SMOC2: variants seen among roughly 807,000 people sequenced by gnomAD.
The protein encoded by SMOC2 is SPARC related modular calcium binding 2.
Under a neutral mutation model 61.4 loss-of-function variants are expected in SMOC2, and 39 were observed. The observed-to-expected ratio is 0.64, with a 90% CI of 0.49 to 0.83. The LOEUF (loss-of-function observed/expected upper bound fraction) is 0.83. Ranked by LOEUF, SMOC2 falls within the 40% of genes least tolerant of loss-of-function variation. The pLI is 0.00. For synonymous variants in SMOC2, 247 were observed against 239.9 expected, an observed-to-expected ratio of 1.03 and a Z score of -0.27; for missense variants, 556 against 592.9, an observed-to-expected ratio of 0.94 and a Z score of 0.65.
At chr6:168,590,854 A>G (rs1285938403) in intron 7 of SMOC2, among the ~76,000 whole-genome samples, 3 of 152,238 alleles carry the variant, frequency 2.0e-5, no homozygotes, top group African/African-American at 7.2e-5. Context: ...CAGACACATT[A>G]TAAGTCACAA....
intron 8 of SMOC2, among the ~76,000 whole-genome samples, chr6:168,602,474 C>A (rs1436168704): frequency 6.6e-6 from 1 of 152,112 alleles, no homozygotes; most frequent in African/African-American, 2.4e-5. Flanking sequence ...CCCCACCCAC[C>A]TGCGGTGGTT....
chr6:168,632,587 A>T (rs563010046), intron 9 of SMOC2, among the ~76,000 whole-genome samples: 1 of 152,260 alleles, frequency 6.6e-6, no homozygotes, highest in East Asian at 1.9e-4. Flanking sequence ...GTTGTATTTC[A>T]TATTGTAGAT....
intron 7 of SMOC2, among the ~76,000 whole-genome samples, chr6:168,556,672 G>A (rs906303477): frequency 6.6e-6 from 1 of 151,768 alleles, no homozygotes; most frequent in African/African-American, 2.4e-5. Flanking sequence ...GTATACATGT[G>A]CCATGTTGTG....
At chr6:168,631,287 C>T (rs546140788) in intron 9 of SMOC2, among the ~76,000 whole-genome samples, 4 of 152,136 alleles carry the variant, frequency 2.6e-5, no homozygotes, top group Admixed American at 1.3e-4. Flanking sequence ...ATTTCGGGGC[C>T]GATTCCCCGA....
chr6:168,559,319 G>C (rs1304946096), intron 7 of SMOC2, among the ~76,000 whole-genome samples: 1 of 152,038 alleles, frequency 6.6e-6, no homozygotes, highest in African/African-American at 2.4e-5. Flanking sequence ...GCTGGGCATG[G>C]TGGCGGGTGC....
intron 9 of SMOC2, among the ~76,000 whole-genome samples, chr6:168,630,926 C>T (rs1451839681): frequency 6.6e-6 from 1 of 152,188 alleles, no homozygotes; most frequent in Admixed American, 6.5e-5. Flanking sequence ...ACCCTGTCTC[C>T]TGATAAGATG....
chr6:168,576,618 G>A (rs1010545311), intron 7 of SMOC2, among the ~76,000 whole-genome samples: 1 of 152,034 alleles, frequency 6.6e-6, no homozygotes, highest in Admixed American at 6.5e-5. Context: ...GCAAACCGGC[G>A]GGCCTCGCTC....
intron 9 of SMOC2, among the ~76,000 whole-genome samples, chr6:168,622,636 G>A (rs1055569201): frequency 1.3e-5 from 2 of 152,062 alleles, no homozygotes; most frequent in African/African-American, 4.8e-5. Flanking sequence ...CTGTTGCCGT[G>A]TCAAGAAAGT....
intron 12 of SMOC2, chr6:168,664,501 A>G (rs1322349778): frequency 1.3e-5 from 5 of 395,914 alleles, no homozygotes; most frequent in Non-Finnish European, 2.4e-5. Context: ...GGCATGCGCC[A>G]CCGTACCCGG....
At chr6:168,584,214 G>A (rs914996738) in intron 7 of SMOC2, among the ~76,000 whole-genome samples, 1 of 152,212 alleles carries the variant, frequency 6.6e-6, no homozygotes, top group African/African-American at 2.4e-5. Context: ...TATTACAGTC[G>A]GCTGGACGTG....
At chr6:168,494,029 G>T (rs893258626) in intron 1 of SMOC2, among the ~76,000 whole-genome samples, 1 of 152,162 alleles carries the variant, frequency 6.6e-6, no homozygotes, top group African/African-American at 2.4e-5. Context: ...GATGCCATTG[G>T]AACGATCCTG....
At chr6:168,585,407 A>G (rs1428438297) in intron 7 of SMOC2, among the ~76,000 whole-genome samples, 1 of 152,224 alleles carries the variant, frequency 6.6e-6, no homozygotes, top group Non-Finnish European at 1.5e-5. Flanking sequence ...ATTTACATGC[A>G]TGATTGTAGA....
chr6:168,455,944 C>T (rs866106401), intron 1 of SMOC2, among the ~76,000 whole-genome samples: 9 of 152,224 alleles, frequency 5.9e-5, no homozygotes, highest in Admixed American at 4.6e-4. Flanking sequence ...GTCTTCACCT[C>T]ACTTCCCGAT....
chr6:168,621,911 A>T (rs1786256436), intron 9 of SMOC2, among the ~76,000 whole-genome samples: 1 of 152,162 alleles, frequency 6.6e-6, no homozygotes, highest in South Asian at 2.1e-4. Context: ...AAAATTGTTT[A>T]TTCAAAGGCA....
chr6:168,634,864 A>G (rs935548266), intron 9 of SMOC2, among the ~76,000 whole-genome samples: 5 of 152,154 alleles, frequency 3.3e-5, no homozygotes, highest in Non-Finnish European at 4.4e-5. Context: ...GCTTTTAGTT[A>G]CTTTCTAAGC....
chr6:168,569,589 C>T (rs1784620046), intron 7 of SMOC2, among the ~76,000 whole-genome samples: 1 of 152,242 alleles, frequency 6.6e-6, no homozygotes, highest in African/African-American at 2.4e-5. Context: ...CACAGGCGCA[C>T]ACCACCACGC....
At chr6:168,580,530 A>G (rs564956433) in intron 7 of SMOC2, among the ~76,000 whole-genome samples, 9 of 152,186 alleles carry the variant, frequency 5.9e-5, no homozygotes, top group African/African-American at 2.2e-4. Flanking sequence ...GATAAAACAC[A>G]GGTTTTGGTT....
At position 168,454,235 on chromosome 6, in the gene SMOC2, G is replaced by GC. The variant is rs990415106; in HGVS notation, c.84+12782dup. 1.1e-4 allele frequency among the ~76,000 whole-genome samples: 16 copies of GC among 152,190 alleles called. No individual in the cohort carries two copies. The East Asian group carries it at 2.7e-3, about 26-fold the overall frequency. On this transcript the variant is annotated intron_variant, in intron 1 of 12. Coordinates refer to ENST00000356284, the MANE Select transcript of SMOC2 (RefSeq NM_001166412.2). Reference sequence around the variant, plus strand: ...CTGCCTCTGGGCTCTGTGTGTCCCGGCTCCCCCAGGAAGGATGAGGAGGCC... The same window carrying GC: ...CTGCCTCTGGGCTCTGTGTGTCCCGGCCTCCCCCAGGAAGGATGAGGAGGCC...
chr6:168,451,720 C>T (rs1007606791), intron 1 of SMOC2, among the ~76,000 whole-genome samples: 3 of 152,026 alleles, frequency 2.0e-5, no homozygotes, highest in South Asian at 2.1e-4. Flanking sequence ...CATACACGTC[C>T]GTTAAGTTCT....
Sources: gnomAD v4.1 joint callset for allele counts (sites outside exome capture counted in the v4.1 genomes callset) on GRCh38, gnomAD v4.1.1 for gene constraint, MANE v1.5 for transcripts, NCBI Gene and HGNC (gene_info 2026-07-23, HGNC 2026-07-21) for gene names.